The following DTX2 variants were observed in gnomAD, a reference collection of about 807,000 sequenced individuals.
DTX2 encodes deltex E3 ubiquitin ligase 2.
Under a neutral mutation model 55.3 loss-of-function variants are expected in DTX2, and 29 were observed. That is an observed-to-expected ratio of 0.52 (90% confidence interval 0.39 to 0.71). The LOEUF (loss-of-function observed/expected upper bound fraction) is 0.71, where lower values mean the gene tolerates loss of function less well. Among genes scored for constraint, DTX2 ranks in the 30% least tolerant of loss-of-function variants. DTX2 has a pLI of 0.00. For missense variants in DTX2, 537 were observed against 822.5 expected, an observed-to-expected ratio of 0.65 and a Z score of 4.25; for synonymous variants, 276 against 340.4, an observed-to-expected ratio of 0.81 and a Z score of 2.08.
At position 76,480,716 on chromosome 7, in the gene DTX2, C is replaced by A; in HGVS notation, c.207C>A (p.Asp69Glu). ...LAHSIPLGQA[D>E]PSLAPYIIDL... ...ACAGCATCCCCTTGGGCCAGGCAGA[C>A]CCCTCGCTGGCCCCTTACATTATTG... Residue 69 changes from aspartate to glutamate, a missense_variant, in exon 3 of 11, where the codon GAC (aspartate) becomes GAA (glutamate). Coordinates refer to ENST00000430490, the MANE Select transcript of DTX2 (RefSeq NM_001102594.3). 6.2e-7 allele frequency: 1 copy of A among 1,613,520 alleles called. No individual in the cohort carries two copies. The highest frequency in any genetic ancestry group is 1.1e-5 in the South Asian group (1 of 91,044).
At chr7:76,483,945 T>C (rs961061727) in intron 4 of DTX2, among the ~76,000 whole-genome samples, 5 of 151,814 alleles carry the variant, frequency 3.3e-5, no homozygotes, top group Non-Finnish European at 7.4e-5. Context: ...TAATCCCAGC[T>C]ACTTGGGAGA....
Position 76,482,824 on chromosome 7 carries a change from C to G in DTX2, c.585C>G (p.Ala195=), listed in dbSNP as rs1809419393. 6.2e-7 allele frequency: 1 copy of G among 1,613,848 alleles called. No homozygotes were observed. Among genetic ancestry groups the G allele is most frequent in the African/African-American group, 1.3e-5 (1 of 75,034 alleles). Residue 195 remains alanine (A), a synonymous_variant, in exon 4 of 11, where the codon GCC becomes GCG. Transcript: ENST00000430490. ...IIAPPGHTGV[A]CSCHQCLSGS... ...CTCCGCCGGGCCACACAGGCGTCGC[C>G]TGCTCTTGCCACCAGTGCCTCAGTG... is the stretch of plus-strand genomic sequence containing the variant.
chr7:76,474,243 T>C (rs946354591), intron 2 of DTX2, among the ~76,000 whole-genome samples: 1 of 148,002 alleles, frequency 6.8e-6, no homozygotes, highest in Non-Finnish European at 1.5e-5. Flanking sequence ...TTTTAAGAGA[T>C]AGGGTCTTGC....
rs531795908 is a variant in DTX2, at chr7:76,472,016, G to A, written c.-90+8307G>A. ...AAGAGACAAATCACATGCTAGTTTC[G>A]TGCCATCTTCCAGTAAGACGTGGGA... On this transcript the variant is annotated intron_variant, in intron 2 of 10. Transcript: ENST00000430490. 16 of 148,316 alleles carry A rather than the reference G, an allele frequency of 1.1e-4. 1 individual carries two copies. Among genetic ancestry groups the A allele is most frequent in the Admixed American group, 5.4e-4 (8 of 14,836 alleles). The allele number at this position is 148,316 out of a possible 1,614,324, so 9.2% of individuals were successfully genotyped here. A position where few individuals can be genotyped will look rare whatever the true frequency, so the allele number is the denominator to read the frequency against.
chr7:76,481,546 T>C (rs1809215852), intron 3 of DTX2, among the ~76,000 whole-genome samples: 1 of 152,104 alleles, frequency 6.6e-6, no homozygotes, highest in African/African-American at 2.4e-5. Flanking sequence ...CTCGGAGCCA[T>C]CCCTTACTCT....
chr7:76,468,448 ATTTTTTTTTTTTTT>A (rs1202957368), intron 2 of DTX2, among the ~76,000 whole-genome samples: 1 of 37,032 alleles, frequency 2.7e-5, no homozygotes, highest in African/African-American at 9.5e-5. Flanking sequence ...GCCCACTGCC[ATTTTTTTTTTTTTT>A]TTTTTTTTTT....
intron 2 of DTX2, chr7:76,477,259 C>T (rs1052851775): frequency 6.9e-6 from 1 of 145,648 alleles, no homozygotes; most frequent in Non-Finnish European, 1.5e-5. Flanking sequence ...ACAGAGCTGC[C>T]AATTCCTGTG....
chr7:76,474,181 TTTTTTCTTTTTC>T (rs147079258), intron 2 of DTX2, among the ~76,000 whole-genome samples: 36,026 of 146,182 alleles, frequency 0.25, 4,500 homozygotes, highest in Middle Eastern at 0.34. Flanking sequence ...GCCTACTTTT[TTTTTTCTTTTTC>T]TTTTTCTTTT....
chr7:76,499,683 G>T (rs372863887), intron 6 of DTX2: 8 of 154,346 alleles, frequency 5.2e-5, no homozygotes, highest in African/African-American at 2.0e-4. Context: ...CCTAGAGAAC[G>T]CCCCGGGCCG....
chr7:76,505,734 C>G lies in DTX2; in HGVS notation c.*133C>G, dbSNP rs1055162135. On this transcript the variant is annotated 3_prime_UTR_variant, in exon 11 of 11. Coordinates refer to ENST00000430490, the MANE Select transcript of DTX2 (RefSeq NM_001102594.3). This position sits in a 1 kb window ranked among gnomAD's most constrained non-coding sequence, Gnocchi z 4.4. The stretch of plus-strand genomic sequence containing the variant: ...GGTGTGGGGTGTGCCCCACCTGAAG[C>G]CGGGGCTCCCCCTGCCTGCCTCTCT... 4.3e-6 allele frequency: 4 copies of G among 930,616 alleles called. No homozygotes were observed. Among genetic ancestry groups the G allele is most frequent in the Non-Finnish European group, 6.4e-6 (4 of 624,476 alleles). 57.6% of individuals were successfully genotyped at this position (930,616 alleles called of 1,614,324 possible).
chr7:76,503,404 G>T (rs752344409), intron 8 of DTX2, 22 bp from the exon 9 acceptor site: 3 of 1,608,832 alleles, frequency 1.9e-6, no homozygotes, highest in African/African-American at 1.3e-5. Context: ...CCAGCTCAGT[G>T]GGTTGCGTCT....
At chr7:76,471,288 A>C (rs1383852711) in intron 2 of DTX2, among the ~76,000 whole-genome samples, 5 of 144,746 alleles carry the variant, frequency 3.5e-5, no homozygotes, top group Non-Finnish European at 7.5e-5. Flanking sequence ...CAGCCTCCCT[A>C]GTAGCCGGGA....
chr7:76,482,202 G>A (rs1809310372), intron 3 of DTX2, among the ~76,000 whole-genome samples: 1 of 150,400 alleles, frequency 6.6e-6, no homozygotes, highest in Non-Finnish European at 1.5e-5. Context: ...TGTAGAGGTC[G>A]ATTTGAAGTT....
At chr7:76,475,204 G>A (rs1808413240) in intron 2 of DTX2, among the ~76,000 whole-genome samples, 1 of 151,622 alleles carries the variant, frequency 6.6e-6, no homozygotes, top group Non-Finnish European at 1.5e-5. Flanking sequence ...CCAGCTACTT[G>A]GAAGGCTGAG....
At chr7:76,469,079 T>C (rs1269137362) in intron 2 of DTX2, among the ~76,000 whole-genome samples, 1 of 137,368 alleles carries the variant, frequency 7.3e-6, no homozygotes, top group East Asian at 2.2e-4. Flanking sequence ...TGCCTGATTT[T>C]GTTCATAAAG....
At chr7:76,501,323 G>A (rs187428017) in intron 7 of DTX2, 3 of 455,770 alleles carry the variant, frequency 6.6e-6, no homozygotes, top group South Asian at 3.1e-5. Context: ...GAGCCTGAAC[G>A]TCCTCCTCAT....
chr7:76,473,044 T>G (rs1339067633), intron 2 of DTX2, among the ~76,000 whole-genome samples: 1 of 152,190 alleles, frequency 6.6e-6, no homozygotes, highest in African/African-American at 2.4e-5. Context: ...TTGCCCAGGC[T>G]GGTCTTGACC....
At chr7:76,484,046 C>T (rs1799169) in intron 4 of DTX2, among the ~76,000 whole-genome samples, 57,403 of 126,398 alleles carry the variant, frequency 0.45, 13,469 homozygotes, top group South Asian at 0.54. Flanking sequence ...GGTGACAGAG[C>T]GAGACCCTGT....
At chr7:76,480,227 A>C (rs533154096) in intron 2 of DTX2, among the ~76,000 whole-genome samples, 194 bp from the exon 3 acceptor site, 139 of 147,788 alleles carry the variant, frequency 9.4e-4, no homozygotes, top group African/African-American at 3.2e-3. Context: ...ATTGCTTGAG[A>C]CCAGGAGTTT....
Sources: allele counts gnomAD v4.1 joint callset (sites outside exome capture counted in the v4.1 genomes callset), GRCh38; gene constraint gnomAD v4.1.1; non-coding constraint Gnocchi (gnomAD v3.1); transcripts MANE v1.5; gene names NCBI Gene and HGNC (gene_info 2026-07-23, HGNC 2026-07-21).